UBTD1: variants seen among roughly 807,000 people sequenced by gnomAD.
The protein encoded by UBTD1 is ubiquitin domain-containing protein 1.
UBTD1 carries 19 observed loss-of-function variants against 21.7 expected under a neutral mutation model. That is an observed-to-expected ratio of 0.87 (90% CI 0.61 to 1.28). The LOEUF (loss-of-function observed/expected upper bound fraction) is 1.28. Among genes scored for constraint, UBTD1 ranks in the 50% most tolerant of loss-of-function variants. The pLI is 0.00. For synonymous variants in UBTD1, 116 were observed against 135.1 expected (o/e 0.86, Z 0.98); for missense variants, 282 against 315.1 (o/e 0.89, Z 0.80).
At chr10:97,503,115 T>C (rs2040384401) in intron 1 of UBTD1, among the ~76,000 whole-genome samples, 1 of 152,066 alleles carries the variant, frequency 6.6e-6, no homozygotes, top group South Asian at 2.1e-4. Context: ...GGGGTCTTGC[T>C]ATGTTGCCCA....
intron 2 of UBTD1, among the ~76,000 whole-genome samples, chr10:97,569,251 A>G (rs1017181963): frequency 2.0e-5 from 3 of 152,232 alleles, no homozygotes; most frequent in African/African-American, 7.2e-5. Flanking sequence ...ATTCAGTAAG[A>G]TACACATAAC....
chr10:97,558,292 C>G lies in UBTD1; in HGVS notation c.71-9622C>G, dbSNP rs567118017. ...GGTGTTGCAAACTTCAATGGTTATG[C>G]GGGGATCTTCACAGAGCAAGCTTTG... On this transcript the variant is annotated intron_variant, in intron 1 of 2. Transcript: ENST00000370664. Among the ~76,000 whole-genome samples the G allele has an allele frequency of 1.1e-3, 162 of 152,158 alleles. 1 individual carries two copies. Among genetic ancestry groups the G allele is most frequent in the Middle Eastern group, 6.8e-3 (2 of 294 alleles).
intron 1 of UBTD1, among the ~76,000 whole-genome samples, chr10:97,512,774 G>A (rs576936099): frequency 6.6e-6 from 1 of 152,334 alleles, no homozygotes; most frequent in African/African-American, 2.4e-5. Context: ...GGACAGAAGT[G>A]TTCAGCCTGC....
At chr10:97,528,730 C>G (rs1452615090) in intron 1 of UBTD1, among the ~76,000 whole-genome samples, 1 of 85,692 alleles carries the variant, frequency 1.2e-5, no homozygotes, top group East Asian at 4.0e-4. Context: ...GCTGACCCCC[C>G]CCACCTCCCT....
intron 1 of UBTD1, among the ~76,000 whole-genome samples, chr10:97,502,423 C>T (rs767858263): frequency 3.9e-5 from 6 of 152,250 alleles, no homozygotes; most frequent in Non-Finnish European, 5.9e-5. Context: ...ACTCCCCCAG[C>T]GCCACTGTAA....
rs142560048 is a variant in UBTD1 at position 97,536,998 on chromosome 10, T to C, written c.71-30916T>C. On this transcript the variant is annotated intron_variant, in intron 1 of 2. Transcript: ENST00000370664. ...AGAAGTGAGGAAATGATGGCAGAAT[T>C]GGAGTAGACGTGCATTCGGACAACA... Among the ~76,000 whole-genome samples, 579 of 152,144 alleles carry C rather than the reference T, an allele frequency of 3.8e-3. 1 individual carries two copies. The highest frequency in any genetic ancestry group is 0.019 in the South Asian group (92 of 4,816).
chr10:97,567,946 A>G lies in UBTD1; in HGVS notation c.103A>G (p.Lys35Glu). 1 of 1,614,176 alleles carries G rather than the reference A, an allele frequency of 6.2e-7. No individual in the cohort carries two copies. Among genetic ancestry groups the G allele is most frequent in the Non-Finnish European group, 8.5e-7 (1 of 1,180,044 alleles). Residue 35 changes from lysine to glutamate, a missense_variant, in exon 2 of 3, where the codon AAG (lysine) becomes GAG (glutamate). By Grantham distance (56) the Lys-to-Glu change is moderately conservative. Transcript: ENST00000370664. ...RNEPLKKERL[K>E]WKSDYPMTDG... ...TGAGCCCCTGAAGAAAGAGCGGCTT[A>G]AGTGGAAGAGCGACTACCCCATGAC...
At chr10:97,539,432 C>T (rs929361115) in intron 1 of UBTD1, among the ~76,000 whole-genome samples, 1 of 151,824 alleles carries the variant, frequency 6.6e-6, no homozygotes, top group Non-Finnish European at 1.5e-5. Flanking sequence ...CCTGTCTCTA[C>T]AAAAATTTAA....
chr10:97,565,944 G>GCT (rs1564745550), intron 1 of UBTD1, among the ~76,000 whole-genome samples: 1 of 152,030 alleles, frequency 6.6e-6, no homozygotes, highest in East Asian at 1.9e-4. Flanking sequence ...GAATTCCTGG[G>GCT]CTCAAGTGAT....
At chr10:97,524,262 T>C (rs2040478115) in intron 1 of UBTD1, among the ~76,000 whole-genome samples, 1 of 145,086 alleles carries the variant, frequency 6.9e-6, no homozygotes, top group African/African-American at 2.6e-5. Context: ...CCCTGGCTAA[T>C]TTTTGTATGT....
intron 1 of UBTD1, among the ~76,000 whole-genome samples, chr10:97,526,879 T>C (rs1391668647): frequency 8.3e-6 from 1 of 120,478 alleles, no homozygotes; most frequent in Non-Finnish European, 1.8e-5. Flanking sequence ...AAAAAAGAAA[T>C]GCCTCTCTTA....
At chr10:97,548,301 A>C (rs921877464) in intron 1 of UBTD1, among the ~76,000 whole-genome samples, 9 of 152,256 alleles carry the variant, frequency 5.9e-5, no homozygotes, top group African/African-American at 2.2e-4. Flanking sequence ...GCTCGTATTC[A>C]AGCCAGGACT....
intron 1 of UBTD1, among the ~76,000 whole-genome samples, chr10:97,516,619 TA>T (rs1469739228): frequency 1.3e-5 from 2 of 150,938 alleles, no homozygotes; most frequent in Non-Finnish European, 3.0e-5. Context: ...ACTAAAAATA[TA>T]AAAAATTAGC....
intron 1 of UBTD1, among the ~76,000 whole-genome samples, chr10:97,557,616 A>T (rs1295051159): frequency 6.6e-6 from 1 of 152,046 alleles, no homozygotes; most frequent in Admixed American, 6.5e-5. Flanking sequence ...TATGCTGCTT[A>T]CTATCAATAG....
intron 1 of UBTD1, among the ~76,000 whole-genome samples, chr10:97,518,724 A>G (rs748969453): frequency 3.9e-5 from 6 of 152,240 alleles, no homozygotes. Context: ...ACTTGTGACA[A>G]TAAATAGGAA....
chr10:97,504,076 C>T (rs2040388727), intron 1 of UBTD1, among the ~76,000 whole-genome samples: 2 of 152,028 alleles, frequency 1.3e-5, no homozygotes, highest in Non-Finnish European at 2.9e-5. Flanking sequence ...TCTCGTCGTC[C>T]CTGACTTCTC....
At position 97,570,660 on chromosome 10, in the gene UBTD1, C is replaced by T; in HGVS notation, c.*137C>T. Reference sequence around the variant, plus strand: ...GTGGGTGAGCCGTGAAGGGACCCTGCCTTTCAGGGCACTACGCGCCACCAG... The same window carrying T: ...GTGGGTGAGCCGTGAAGGGACCCTGTCTTTCAGGGCACTACGCGCCACCAG... On this transcript the variant is annotated 3_prime_UTR_variant, in exon 3 of 3. Transcript: ENST00000370664. This position sits in a 1 kb window ranked among gnomAD's most constrained non-coding sequence, Gnocchi z 6.6. 9.1e-7 allele frequency: 1 copy of T among 1,100,708 alleles called. No individual in the cohort carries two copies. The highest frequency in any genetic ancestry group is 2.7e-5 in the Admixed American group (1 of 36,702). The allele number at this position is 1,100,708 out of a possible 1,614,324, so 68.2% of individuals were successfully genotyped here. A position where few individuals can be genotyped will look rare whatever the true frequency, so the allele number is the denominator to read the frequency against.
At chr10:97,518,438 C>T (rs1417028239) in intron 1 of UBTD1, among the ~76,000 whole-genome samples, 6 of 152,228 alleles carry the variant, frequency 3.9e-5, no homozygotes, top group Non-Finnish European at 5.9e-5. Context: ...GAGGCTGCCT[C>T]CAGCTCACCT....
chr10:97,544,031 G>A (rs909623655), intron 1 of UBTD1, among the ~76,000 whole-genome samples: 2 of 152,054 alleles, frequency 1.3e-5, no homozygotes, highest in Admixed American at 6.6e-5. Context: ...TCTGTAATCC[G>A]AGCACTTTGA....
Sources: allele counts gnomAD v4.1 joint callset (sites outside exome capture counted in the v4.1 genomes callset), GRCh38; gene constraint gnomAD v4.1.1; non-coding constraint Gnocchi (gnomAD v3.1); transcripts MANE v1.5; gene names NCBI Gene and HGNC (gene_info 2026-07-23, HGNC 2026-07-21).